The following KIAA0319 variants were observed in gnomAD, a reference collection of about 807,000 sequenced individuals.
KIAA0319 encodes dyslexia-associated protein KIAA0319.
KIAA0319 carries 83 observed loss-of-function variants against 108.4 expected under a neutral mutation model. The observed-to-expected ratio is 0.77, with a 90% CI of 0.64 to 0.92. The LOEUF (loss-of-function observed/expected upper bound fraction) is 0.92, where lower values mean the gene tolerates loss of function less well. Among genes scored for constraint, KIAA0319 ranks in the 40% least tolerant of loss-of-function variants. The probability of loss-of-function intolerance (pLI) is 0.00; values close to 1 mark genes in which losing one functional copy is unlikely to be tolerated. For missense variants in KIAA0319, 1,195 were observed against 1,322.4 expected (o/e 0.90, Z 1.49); for synonymous variants, 484 against 510.4 (o/e 0.95, Z 0.70).
chr6:24,594,198 CAAAAAAAAAAAAAAAAAAAAAAAAAAAA>C (rs761107947), intron 3 of KIAA0319, among the ~76,000 whole-genome samples: 616 of 54,404 alleles, frequency 0.011, 9 homozygotes, highest in Non-Finnish European at 0.013. Context: ...GACTCTGTCT[CAAAAAAAAAAAAAAAAAAAAAAAAAAAA>C]AAAAAAAAAA....
chr6:24,591,120 CTTGAT>C (rs1768399289), intron 3 of KIAA0319, among the ~76,000 whole-genome samples: 1 of 152,136 alleles, frequency 6.6e-6, no homozygotes, highest in Non-Finnish European at 1.5e-5. Flanking sequence ...CAAGTTTGAT[CTTGAT>C]TTATTTTTCC....
At chr6:24,583,155 T>A (rs1766878139) in intron 5 of KIAA0319, 1 of 986,790 alleles carries the variant, frequency 1.0e-6, no homozygotes, top group Non-Finnish European at 1.2e-6. Flanking sequence ...GCATTTTGAA[T>A]AAATTTTTTT....
chr6:24,541,940 G>C (rs1320760407), downstream of KIAA0319, among the ~76,000 whole-genome samples: 2 of 152,122 alleles, frequency 1.3e-5, no homozygotes, highest in Non-Finnish European at 2.9e-5. Context: ...AGGAGTTCGA[G>C]ACTAGCCTTG....
In KIAA0319 at chr6:24,583,364, C is replaced by G. The variant is rs991295165; in HGVS notation, c.1093+240G>C. 4 of 592,064 alleles carry G rather than the reference C, an allele frequency of 6.8e-6. No homozygotes were observed. The African/African-American group carries it at 7.7e-5, about 11-fold the overall frequency. 36.7% of individuals were successfully genotyped at this position (592,064 alleles called of 1,614,324 possible). A position where few individuals can be genotyped will look rare whatever the true frequency, so the allele number is the denominator to read the frequency against. On this transcript the variant is annotated intron_variant, in intron 5 of 20. Coordinates refer to ENST00000378214, the MANE Select transcript of KIAA0319 (RefSeq NM_014809.4). ...GCTTTGCATCATCAGAAATTTATGA[C>G]TTTCCATCCTGACCAATTAAACGAT...
rs10946705 is a variant in KIAA0319, at chr6:24,556,708, C to G, written c.2756G>C (p.Gly919Ala). ...DTAGCLLKCS[G>A]HGHCDPLTKR... ...TGTGAGGGGGTCGCAGTGACCATGG[C>G]CAGAACACTTCAGAAGGCAACCTGC... The change falls in exon 18 of 21, where the codon GGC becomes GCC. Residue 919 changes from glycine (G) to alanine (A), a missense_variant. Coordinates refer to ENST00000378214, the MANE Select transcript of KIAA0319 (RefSeq NM_014809.4). The G allele has an allele frequency of 3.5e-4, 558 of 1,613,854 alleles. 5 individuals carry two copies. In the East Asian group the frequency reaches 0.01, roughly 29 times the overall value.
At chr6:24,557,369 G>A (rs554098180) in intron 17 of KIAA0319, among the ~76,000 whole-genome samples, 5 of 152,150 alleles carry the variant, frequency 3.3e-5, no homozygotes, top group Non-Finnish European at 7.4e-5. Flanking sequence ...TGGGCGTGAT[G>A]GTGTGCGCCT....
Position 24,578,147 on chromosome 6 carries a change from G to A in KIAA0319, c.1468C>T (p.Arg490Cys), listed in dbSNP as rs151153634. 3.3e-5 allele frequency: 54 copies of A among 1,613,168 alleles called. No homozygotes were observed. The highest frequency in any genetic ancestry group is 2.2e-4 in the Admixed American group (13 of 59,884). Reference sequence around the variant, plus strand: ...TTACCAGGATCAAGGTTAGACAAGCGTAAGACGGGAGAGTCAACTGAAGTC... The same window carrying A: ...TTACCAGGATCAAGGTTAGACAAGCATAAGACGGGAGAGTCAACTGAAGTC... ...EKTSVDSPVL[R>C]LSNLDPGNYS... Residue 490 changes from arginine (R) to cysteine (C), a missense_variant, in exon 9 of 21, where the codon CGC becomes TGC. Physicochemically the swap from Arg to Cys is radical, Grantham distance 180 (BLOSUM62 -3). Coordinates refer to ENST00000378214, the MANE Select transcript of KIAA0319 (RefSeq NM_014809.4).
Position 24,599,067 on chromosome 6 carries a change from A to T in KIAA0319, c.55+1982T>A. The T allele has an allele frequency of 1.3e-6, 1 of 742,754 alleles. No homozygotes were observed. Among genetic ancestry groups the T allele is most frequent in the Non-Finnish European group, 2.4e-6 (1 of 422,164 alleles). 46.0% of individuals were successfully genotyped at this position (742,754 alleles called of 1,614,324 possible). On this transcript the variant is annotated intron_variant, in intron 2 of 20. Coordinates refer to ENST00000378214, the MANE Select transcript of KIAA0319 (RefSeq NM_014809.4). The surrounding 1 kb of genome is among the most constrained non-coding windows in gnomAD (Gnocchi z 4.1). The stretch of plus-strand genomic sequence containing the variant: ...GGAGATCCAGGAGCTGCAGTCCCAG[A>T]TCTGGGACACATCTGTGGTGCTGTC...
rs1765812093 is a variant in KIAA0319, at chr6:24,578,142, C to A, written c.1473G>T (p.Leu491Phe). ...KTSVDSPVLR[L>F]SNLDPGNYSF... ...TATAGTTACCAGGATCAAGGTTAGA[C>A]AAGCGTAAGACGGGAGAGTCAACTG... The change falls in exon 9 of 21, where the codon TTG (leucine) becomes TTT (phenylalanine). Residue 491 changes from leucine to phenylalanine, a missense_variant. Transcript: ENST00000378214. 6.2e-7 allele frequency: 1 copy of A among 1,612,808 alleles called. No individual in the cohort carries two copies. Among genetic ancestry groups the A allele is most frequent in the East Asian group, 2.2e-5 (1 of 44,868 alleles).
chr6:24,600,619 A>C, intron 2 of KIAA0319: 1 of 1,509,134 alleles, frequency 6.6e-7, no homozygotes, highest in Non-Finnish European at 8.9e-7. Flanking sequence ...GTATACTCAC[A>C]TGGGCTCGGC....
chr6:24,583,359 T>A, intron 5 of KIAA0319: 1 of 608,736 alleles, frequency 1.6e-6, no homozygotes, highest in Non-Finnish European at 2.4e-6. Context: ...ATCAGAAATT[T>A]ATGACTTTCC....
intron 18 of KIAA0319, among the ~76,000 whole-genome samples, chr6:24,555,218 A>G (rs1762108168): frequency 6.6e-6 from 1 of 152,160 alleles, no homozygotes; most frequent in Admixed American, 6.5e-5. Context: ...TCTATTAGGC[A>G]GGGTGCGGTG....
chr6:24,623,857 A>G (rs1382106299), intron 1 of KIAA0319, among the ~76,000 whole-genome samples: 1 of 152,188 alleles, frequency 6.6e-6, no homozygotes, highest in Non-Finnish European at 1.5e-5. Flanking sequence ...CAAATTGATC[A>G]TTATACATTG....
chr6:24,565,702 G>A (rs1470735845), intron 14 of KIAA0319, among the ~76,000 whole-genome samples: 8 of 140,034 alleles, frequency 5.7e-5, no homozygotes, highest in African/African-American at 2.2e-4. Flanking sequence ...GCAGTGAGCC[G>A]AGATTGCGCC....
intron 1 of KIAA0319, among the ~76,000 whole-genome samples, chr6:24,603,166 A>G (rs770048486): frequency 6.6e-6 from 1 of 152,202 alleles, no homozygotes; most frequent in Non-Finnish European, 1.5e-5. Flanking sequence ...CTTACATTTC[A>G]TTGAATTTAG....
chr6:24,554,601 G>A lies in KIAA0319; in HGVS notation c.2888C>T (p.Ala963Val), dbSNP rs1251793177. The part of the protein sequence containing the change: ...EWSIFYVTVL[A>V]FTLIVLTGGF... ...TCCTGTTAGCACAATAAGAGTAAAA[G>A]CCAACACTGTCACATAGAATATACT... is the stretch of plus-strand genomic sequence containing the variant. Residue 963 changes from alanine (A) to valine (V), a missense_variant, in exon 19 of 21, where the codon GCT (alanine) becomes GTT (valine). Transcript: ENST00000378214. The A allele has an allele frequency of 1.2e-6, 2 of 1,613,792 alleles. No homozygotes were observed. Among genetic ancestry groups the A allele is most frequent in the South Asian group, 1.1e-5 (1 of 91,074 alleles).
chr6:24,579,403 CTATATAAAGATATATA>C (rs1316019871), intron 8 of KIAA0319, among the ~76,000 whole-genome samples: 4 of 105,210 alleles, frequency 3.8e-5, no homozygotes, highest in African/African-American at 1.9e-4. Flanking sequence ...GGGAGCTCCT[CTATATAAAGATATATA>C]TATATATATA....
At chr6:24,554,461 G>T in intron 19 of KIAA0319, 80 bp downstream of exon 19, 2 of 991,640 alleles carry the variant, frequency 2.0e-6, no homozygotes, top group Non-Finnish European at 3.2e-6. Context: ...GGTTTAACAA[G>T]TCCAAGTAAA....
chr6:24,637,116 C>G (rs1010390716), intron 1 of KIAA0319, among the ~76,000 whole-genome samples: 1 of 152,206 alleles, frequency 6.6e-6, no homozygotes, highest in Non-Finnish European at 1.5e-5. Context: ...GAAGATGAAG[C>G]ACAATCAAAG....
Sources: gnomAD v4.1 joint callset for allele counts (sites outside exome capture counted in the v4.1 genomes callset) on GRCh38, gnomAD v4.1.1 for gene constraint, Gnocchi (gnomAD v3.1) non-coding constraint, MANE v1.5 for transcripts, NCBI Gene and HGNC (gene_info 2026-07-23, HGNC 2026-07-21) for gene names.